Variants in GABRB1 observed in about 807,000 individuals in gnomAD.
The protein encoded by GABRB1 is gamma-aminobutyric acid type A receptor subunit beta1.
GABRB1 carries 17 observed loss-of-function variants against 51.6 expected under a neutral mutation model. That is an observed-to-expected ratio of 0.33 (90% CI 0.23 to 0.49). The LOEUF (loss-of-function observed/expected upper bound fraction) is 0.49, where lower values mean the gene tolerates loss of function less well. Among genes scored for constraint, GABRB1 ranks in the 20% least tolerant of loss-of-function variants. The pLI is 0.99. For missense variants in GABRB1, 410 were observed against 600.6 expected (o/e 0.68, Z 3.32); for synonymous variants, 247 against 218.9 (o/e 1.13, Z -1.14).
chr4:47,065,876 G>A (rs1727057419), intron 3 of GABRB1, among the ~76,000 whole-genome samples: 1 of 152,196 alleles, frequency 6.6e-6, no homozygotes, highest in South Asian at 2.1e-4. Flanking sequence ...TTTTGAAAAA[G>A]CAGAATTTAT....
chr4:47,013,245 C>G (rs1724634290), intron 1 of GABRB1, among the ~76,000 whole-genome samples: 1 of 152,046 alleles, frequency 6.6e-6, no homozygotes, highest in South Asian at 2.1e-4. Flanking sequence ...TCCCATCTCT[C>G]TACATACTTA....
At chr4:47,216,167 T>G (rs896232065) in intron 4 of GABRB1, among the ~76,000 whole-genome samples, 1 of 152,024 alleles carries the variant, frequency 6.6e-6, no homozygotes, top group African/African-American at 2.4e-5. Flanking sequence ...CTTTAGCAGT[T>G]CAGAGCTAGC....
chr4:47,082,113 A>G (rs528396232), intron 3 of GABRB1, among the ~76,000 whole-genome samples: 76 of 152,188 alleles, frequency 5.0e-4, no homozygotes, highest in African/African-American at 1.8e-3. Context: ...TGGCTTCATT[A>G]AACTTTTGTC....
chr4:47,230,305 G>C (rs929235830), intron 4 of GABRB1, among the ~76,000 whole-genome samples: 5 of 152,098 alleles, frequency 3.3e-5, no homozygotes, highest in Admixed American at 1.3e-4. Context: ...AGGCATCTAG[G>C]AGGGATGCTC....
At chr4:47,401,444 G>A (rs1728380695) in intron 5 of GABRB1, among the ~76,000 whole-genome samples, 1 of 152,072 alleles carries the variant, frequency 6.6e-6, no homozygotes, top group Non-Finnish European at 1.5e-5. Context: ...TCCTTCTTTA[G>A]TAGGCCCAAC....
At chr4:47,051,482 T>C (rs890450137) in intron 3 of GABRB1, among the ~76,000 whole-genome samples, 1 of 152,152 alleles carries the variant, frequency 6.6e-6, no homozygotes, top group Non-Finnish European at 1.5e-5. Flanking sequence ...AACAGGGATG[T>C]TTTCATTTGA....
In GABRB1 at chr4:47,056,743, A is replaced by T. The variant is rs7340856; in HGVS notation, c.240+24259A>T. On this transcript the variant is annotated intron_variant, in intron 3 of 8. Transcript: ENST00000295454. ...ATGATCTTTACCAAATCTTCACTGGATGAAACAAACAGGGAAAGGAGAAAT... is the reference window on the plus strand; with the variant it reads ...ATGATCTTTACCAAATCTTCACTGGTTGAAACAAACAGGGAAAGGAGAAAT... Among the ~76,000 whole-genome samples the T allele has an allele frequency of 1.5e-3, 221 of 152,304 alleles. 2 individuals carry two copies. The highest frequency in any genetic ancestry group is 5.1e-3 in the African/African-American group (210 of 41,568).
chr4:47,199,787 T>A (rs1719827625), intron 4 of GABRB1, among the ~76,000 whole-genome samples: 1 of 152,056 alleles, frequency 6.6e-6, no homozygotes, highest in African/African-American at 2.4e-5. Flanking sequence ...TGGAAGGAAA[T>A]GTTCAATGTT....
intron 5 of GABRB1, among the ~76,000 whole-genome samples, chr4:47,394,472 G>GTA (rs1560366593): frequency 5.1e-3 from 11 of 2,140 alleles, no homozygotes; most frequent in African/African-American, 0.034. Flanking sequence ...GAAGTGTGAG[G>GTA]CACGAGAACC....
chr4:47,030,214 C>T (rs1725244098), upstream of GABRB1, among the ~76,000 whole-genome samples: 1 of 152,140 alleles, frequency 6.6e-6, no homozygotes, highest in African/African-American at 2.4e-5. Context: ...TATGTACCTT[C>T]ACTCTAAACT....
At chr4:47,080,708 T>G (rs1445046856) in intron 3 of GABRB1, among the ~76,000 whole-genome samples, 2 of 152,182 alleles carry the variant, frequency 1.3e-5, no homozygotes, top group Non-Finnish European at 2.9e-5. Flanking sequence ...CCATGCCCAG[T>G]GTGCCTGGCT....
At chr4:47,013,122 G>A (rs929632956) in intron 1 of GABRB1, among the ~76,000 whole-genome samples, 2 of 138,968 alleles carry the variant, frequency 1.4e-5, no homozygotes, top group South Asian at 2.5e-4. Context: ...TTGTGCATTA[G>A]ACCAACAAAT....
chr4:47,303,920 G>A (rs763984143), intron 4 of GABRB1, among the ~76,000 whole-genome samples: 54 of 151,860 alleles, frequency 3.6e-4, no homozygotes, highest in Admixed American at 1.7e-3. Flanking sequence ...GGCATTTGTC[G>A]TTCTGTGCTG....
chr4:47,067,588 C>T (rs1439690188), intron 3 of GABRB1, among the ~76,000 whole-genome samples: 1 of 151,804 alleles, frequency 6.6e-6, no homozygotes, highest in Non-Finnish European at 1.5e-5. Context: ...TGGTGGCTTC[C>T]TTCCTTTTTT....
At position 47,115,277 on chromosome 4, in the gene GABRB1, C is replaced by G. The variant is rs111783993; in HGVS notation, c.241-45972C>G. Among the ~76,000 whole-genome samples the G allele has an allele frequency of 7.8e-3, 1,183 of 152,234 alleles. 12 individuals carry two copies. The highest frequency in any genetic ancestry group is 0.027 in the African/African-American group (1,108 of 41,548). ...TCTTTAAATATTTTGAACATTTGCTCTCTTTAGCTTCACAAATATAAATAA... is the reference window on the plus strand; with the variant it reads ...TCTTTAAATATTTTGAACATTTGCTGTCTTTAGCTTCACAAATATAAATAA... On this transcript the variant is annotated intron_variant, in intron 3 of 8. Coordinates refer to ENST00000295454, the MANE Select transcript of GABRB1 (RefSeq NM_000812.4).
At chr4:47,305,060 C>T (rs1242937385) in intron 4 of GABRB1, among the ~76,000 whole-genome samples, 1 of 152,052 alleles carries the variant, frequency 6.6e-6, no homozygotes, top group South Asian at 2.1e-4. Context: ...ACATTTTGTA[C>T]TTCGAGGCCC....
intron 3 of GABRB1, among the ~76,000 whole-genome samples, chr4:47,040,597 GA>G (rs555267506): frequency 1.2e-4 from 18 of 151,642 alleles, no homozygotes; most frequent in Non-Finnish European, 2.7e-4. Flanking sequence ...ACATTTTCAG[GA>G]AAAAAAATTA....
intron 4 of GABRB1, among the ~76,000 whole-genome samples, chr4:47,181,961 T>C (rs1255649452): frequency 6.6e-6 from 1 of 151,988 alleles, no homozygotes; most frequent in Non-Finnish European, 1.5e-5. Context: ...GATCCAACTG[T>C]GTTTGGATGG....
At chr4:47,246,900 T>C (rs1419526661) in intron 4 of GABRB1, among the ~76,000 whole-genome samples, 2 of 151,962 alleles carry the variant, frequency 1.3e-5, no homozygotes, top group South Asian at 4.1e-4. Flanking sequence ...TTTGTTTGAG[T>C]TTGTTGTAGA....
Sources: allele counts gnomAD v4.1 joint callset (sites outside exome capture counted in the v4.1 genomes callset), GRCh38; gene constraint gnomAD v4.1.1; transcripts MANE v1.5; gene names NCBI Gene and HGNC (gene_info 2026-07-23, HGNC 2026-07-21).